Variants in MAEL observed in about 807,000 individuals in gnomAD.
MAEL encodes the protein protein maelstrom homolog.
MAEL carries 46 observed loss-of-function variants against 62.0 expected under a neutral mutation model. The observed-to-expected ratio is 0.74, with a 90% CI of 0.59 to 0.95. The LOEUF (loss-of-function observed/expected upper bound fraction) is 0.95. MAEL is among the 40% of genes least tolerant of loss of function. The pLI is 0.00. For synonymous variants in MAEL, 172 were observed against 175.5 expected (o/e 0.98, Z 0.16); for missense variants, 497 against 526.8 (o/e 0.94, Z 0.55).
intron 11 of MAEL, 91 bp downstream of exon 11, chr1:167,021,251 A>G: frequency 1.1e-6 from 1 of 888,722 alleles, no homozygotes; most frequent in Non-Finnish European, 1.8e-6. Flanking sequence ...AGTGATATCT[A>G]AATTAGCTTT....
At position 167,021,993 on chromosome 1, in the gene MAEL, G is replaced by T; in HGVS notation, c.*138G>T. 1.6e-6 allele frequency: 1 copy of T among 621,958 alleles called. No homozygotes were observed. The highest frequency in any genetic ancestry group is 2.6e-6 in the Non-Finnish European group (1 of 386,204). The allele number at this position is 621,958 out of a possible 1,614,324, so 38.5% of individuals were successfully genotyped here. A position where few individuals can be genotyped will look rare whatever the true frequency, so the allele number is the denominator to read the frequency against. On this transcript the variant is annotated 3_prime_UTR_variant, in exon 12 of 12. Coordinates refer to ENST00000367872, the MANE Select transcript of MAEL (RefSeq NM_032858.3). ...TAATTTGTAAGGAAATTGTTTCATA[G>T]ATTTAAAAAAATTGTGGTTGGAGAG...
chr1:166,991,079 C>T (rs759960442), intron 2 of MAEL, among the ~76,000 whole-genome samples: 86 of 152,180 alleles, frequency 5.7e-4, no homozygotes, highest in Non-Finnish European at 6.9e-4. Flanking sequence ...GTGCTTTTGG[C>T]CACTGGCCTG....
In MAEL at chr1:167,021,897, A is replaced by C. The variant is rs1665650205; in HGVS notation, c.*42A>C. On this transcript the variant is annotated 3_prime_UTR_variant, in exon 12 of 12. Coordinates refer to ENST00000367872, the MANE Select transcript of MAEL (RefSeq NM_032858.3). ...AATTTCTGAAAACAGTAACAGGCCCAACTTCCTTCTTACTACAGTCATATT... is the reference window on the plus strand; with the variant it reads ...AATTTCTGAAAACAGTAACAGGCCCCACTTCCTTCTTACTACAGTCATATT... The C allele has an allele frequency of 2.2e-6, 3 of 1,338,392 alleles. No homozygotes were observed. Among genetic ancestry groups the C allele is most frequent in the Non-Finnish European group, 3.2e-6 (3 of 952,318 alleles). The allele number at this position is 1,338,392 out of a possible 1,614,324, so 82.9% of individuals were successfully genotyped here.
At chr1:166,993,879 A>G (rs1259286768) in intron 4 of MAEL, 149 bp from the exon 5 acceptor site, 1 of 591,324 alleles carries the variant, frequency 1.7e-6, no homozygotes, top group African/African-American at 1.9e-5. Context: ...CTTTGGTTAA[A>G]AATAAACCCT....
At chr1:167,008,354 C>T (rs1339580276) in intron 8 of MAEL, among the ~76,000 whole-genome samples, 1 of 151,892 alleles carries the variant, frequency 6.6e-6, no homozygotes, top group Non-Finnish European at 1.5e-5. Flanking sequence ...TTTTGGTAAT[C>T]TGTATGTTTC....
chr1:166,995,550 C>T (rs2102077801), intron 5 of MAEL, among the ~76,000 whole-genome samples: 1 of 152,098 alleles, frequency 6.6e-6, no homozygotes, highest in East Asian at 1.9e-4. Context: ...GTAGTTCCTT[C>T]TTATATAGCT....
At chr1:166,995,945 A>AG (rs1664407831) in intron 5 of MAEL, among the ~76,000 whole-genome samples, 1 of 152,234 alleles carries the variant, frequency 6.6e-6, no homozygotes, top group Non-Finnish European at 1.5e-5. Context: ...CTTTAAAAAA[A>AG]TCTATTAAAG....
At chr1:167,010,441 CTTT>C (rs1665122386) in intron 8 of MAEL, among the ~76,000 whole-genome samples, 1 of 151,608 alleles carries the variant, frequency 6.6e-6, no homozygotes, top group South Asian at 2.1e-4. Context: ...TTTCTGTTTT[CTTT>C]TCTTTTCTTT....
chr1:166,989,165 G>A (rs562857566), upstream of MAEL: 7 of 798,928 alleles, frequency 8.8e-6, no homozygotes, highest in Non-Finnish European at 3.8e-6. Flanking sequence ...AAGGCGGCAC[G>A]AGCCGGAATC....
chr1:166,978,944 G>C (rs1317407544), intron 1 of MAEL, among the ~76,000 whole-genome samples: 1 of 152,162 alleles, frequency 6.6e-6, no homozygotes, highest in South Asian at 2.1e-4. Context: ...TGTATGTGGT[G>C]GGGGGACTAA....
rs145163105 is a variant in MAEL at position 166,976,446 on chromosome 1, G to A, written c.-121+780G>A. Among the ~76,000 whole-genome samples, 61 of 152,332 alleles carry A rather than the reference G, an allele frequency of 4.0e-4. No individual in the cohort carries two copies. In the Middle Eastern group the frequency reaches 0.014, roughly 34 times the overall value. The stretch of plus-strand genomic sequence containing the variant: ...AGGAAGGTCAGACCATTAAAGACAT[G>A]ATACTTATTCCTAGTAAAACGGGGC... On this transcript the variant is annotated intron_variant, in intron 1 of 12. Transcript: ENST00000622874.
chr1:166,989,693 T>A, intron 1 of MAEL, 44 bp from the exon 2 acceptor site: 1 of 1,586,668 alleles, frequency 6.3e-7, no homozygotes, highest in Non-Finnish European at 8.6e-7. Context: ...GAGCACGGGA[T>A]CCTCACGGCT....
intron 8 of MAEL, among the ~76,000 whole-genome samples, chr1:167,007,595 G>GTGTA (rs749122047): frequency 1.4e-5 from 1 of 72,366 alleles, no homozygotes; most frequent in Non-Finnish European, 2.6e-5. Flanking sequence ...GTGTGTGTGT[G>GTGTA]TGTATGTACA....
chr1:166,976,262 T>C (rs1232635940), intron 1 of MAEL, among the ~76,000 whole-genome samples: 1 of 152,220 alleles, frequency 6.6e-6, no homozygotes, highest in Non-Finnish European at 1.5e-5. Context: ...ATTTGTCTTG[T>C]GTCTCAAAAT....
intron 1 of MAEL, among the ~76,000 whole-genome samples, chr1:166,983,628 G>GA (rs796819280): frequency 6.6e-5 from 10 of 152,144 alleles, no homozygotes; most frequent in African/African-American, 1.2e-4. Context: ...TTTCTGAATA[G>GA]AAAAAAATCA....
intron 8 of MAEL, among the ~76,000 whole-genome samples, chr1:167,015,954 G>A (rs1665371519): frequency 6.6e-6 from 1 of 152,130 alleles, no homozygotes; most frequent in Admixed American, 6.5e-5. Context: ...TTGAATGAGT[G>A]CATTTTGTCA....
At chr1:167,012,751 A>G (rs1273054260) in intron 8 of MAEL, among the ~76,000 whole-genome samples, 1 of 152,174 alleles carries the variant, frequency 6.6e-6, no homozygotes, top group Non-Finnish European at 1.5e-5. Context: ...AGCCATGCAA[A>G]AAATGGTAAG....
At chr1:167,014,531 A>G (rs1665299410) in intron 8 of MAEL, among the ~76,000 whole-genome samples, 1 of 152,216 alleles carries the variant, frequency 6.6e-6, no homozygotes, top group African/African-American at 2.4e-5. Context: ...GTAGAATTCC[A>G]AAAGAGTTTC....
chr1:166,977,285 T>C (rs921351414), intron 1 of MAEL, among the ~76,000 whole-genome samples: 2 of 152,236 alleles, frequency 1.3e-5, no homozygotes, highest in African/African-American at 2.4e-5. Context: ...ATGTACTGCA[T>C]GAGAGAAATT....
Sources: allele counts gnomAD v4.1 joint callset (sites outside exome capture counted in the v4.1 genomes callset), GRCh38; gene constraint gnomAD v4.1.1; transcripts MANE v1.5; gene names NCBI Gene and HGNC (gene_info 2026-07-23, HGNC 2026-07-21).